The following MEAK7 variants were observed in gnomAD, a reference collection of about 807,000 sequenced individuals.
The protein encoded by MEAK7 is MTOR associated protein MEAK7, also known as MTOR-associated protein MEAK7.
MEAK7 carries 68 observed loss-of-function variants against 40.5 expected under a neutral mutation model. The observed-to-expected ratio is 1.68, with a 90% confidence interval of 1.38 to 2.06. The LOEUF (loss-of-function observed/expected upper bound fraction) is 2.06. Among genes scored for constraint, MEAK7 ranks in the 30% most tolerant of loss-of-function variants. The probability of loss-of-function intolerance (pLI) is 0.00; values close to 1 mark genes in which losing one functional copy is unlikely to be tolerated. For missense variants in MEAK7, 918 were observed against 580.5 expected (o/e 1.58, Z -5.98); for synonymous variants, 338 against 231.9 (o/e 1.46, Z -4.16).
At chr16:84,490,456 T>A (rs1431372548) in intron 3 of MEAK7, among the ~76,000 whole-genome samples, 1 of 52,510 alleles carries the variant, frequency 1.9e-5, no homozygotes, top group African/African-American at 4.4e-5. Context: ...TTTTTTTTTT[T>A]TTTTTTTTTT....
At position 84,479,065 on chromosome 16, in the gene MEAK7, T is replaced by C. The variant is rs1309045539; in HGVS notation, c.*848A>G. 1.3e-5 allele frequency: 2 copies of C among 152,222 alleles called. No homozygotes were observed. Among genetic ancestry groups the C allele is most frequent in the Non-Finnish European group, 2.9e-5 (2 of 68,058 alleles). The allele number at this position is 152,222 out of a possible 1,614,324, so 9.4% of individuals were successfully genotyped here. On this transcript the variant is annotated 3_prime_UTR_variant, in exon 8 of 8. Coordinates refer to ENST00000343629, the MANE Select transcript of MEAK7 (RefSeq NM_020947.4). Reference sequence around the variant, plus strand: ...CCATCTGTTCCTCACACACATTCATTTAAAAACAGCTGAGAGAGCTGGGTG... The same window carrying C: ...CCATCTGTTCCTCACACACATTCATCTAAAAACAGCTGAGAGAGCTGGGTG...
rs547908347 is a variant in MEAK7 at position 84,482,321 on chromosome 16, T to C, written c.1077+271A>G. ...AGCCACAAAGGCTACAAACCAATCATCTGAGGGCCAGAAAAATGGGCCAAG... is the reference window on the plus strand; with the variant it reads ...AGCCACAAAGGCTACAAACCAATCACCTGAGGGCCAGAAAAATGGGCCAAG... On this transcript the variant is annotated intron_variant, in intron 6 of 7. Coordinates refer to ENST00000343629, the MANE Select transcript of MEAK7 (RefSeq NM_020947.4). Among the ~76,000 whole-genome samples the C allele has an allele frequency of 4.6e-5, 7 of 152,188 alleles. No homozygotes were observed. In the South Asian group the frequency reaches 1.0e-3, roughly 23 times the overall value.
rs431389 is a variant in MEAK7 at position 84,486,719 on chromosome 16, T to C, written c.870A>G (p.Gly290=). The C allele has an allele frequency of 0.51, 823,060 of 1,613,716 alleles. 218,321 individuals carry two copies. Among genetic ancestry groups the C allele is most frequent in the East Asian group, 0.9 (40,472 of 44,864 alleles). ...GGTCCTCGAGGACAGCCACACAGGG[T>C]CCCCGGTGAGTGATGTGGCCACAGA... The part of the protein sequence containing the change: ...SQLCGHITHR[G]PCVAVLEDHD... Residue 290 remains glycine (G), a synonymous_variant, in exon 5 of 8, where the codon GGA becomes GGG. Coordinates refer to ENST00000343629, the MANE Select transcript of MEAK7 (RefSeq NM_020947.4).
chr16:84,483,501 T>C (rs1214778448), intron 5 of MEAK7, among the ~76,000 whole-genome samples: 3 of 152,070 alleles, frequency 2.0e-5, no homozygotes, highest in African/African-American at 7.2e-5. Flanking sequence ...AACAAGCTCA[T>C]GGGAATTTGG....
rs757511442 is a variant in MEAK7 at position 84,487,067 on chromosome 16, A to T, written c.530-8T>A. The T allele has an allele frequency of 2.5e-6, 4 of 1,605,908 alleles. No homozygotes were observed. The highest frequency in any genetic ancestry group is 3.4e-6 in the Non-Finnish European group (4 of 1,176,084). ...CCAGAAGTCTCTTGCCATCTAGGGG[A>T]AGGGGATGGTCAGCATTAGTGGGGC... On this transcript the variant is annotated splice_region_variant and splice_polypyrimidine_tract_variant and intron_variant, in intron 4 of 7. Transcript: ENST00000343629.
chr16:84,489,418 G>A lies in MEAK7; in HGVS notation c.389C>T (p.Thr130Ile), dbSNP rs1913378089. The A allele has an allele frequency of 1.2e-6, 2 of 1,608,734 alleles. No homozygotes were observed. The highest frequency in any genetic ancestry group is 1.7e-6 in the Non-Finnish European group (2 of 1,177,116). Residue 130 changes from threonine to isoleucine, a missense_variant, in exon 4 of 8, where the codon ACA (threonine) becomes ATA (isoleucine). Physicochemically the swap from Thr to Ile is moderately conservative, Grantham distance 89 (BLOSUM62 -1). Transcript: ENST00000343629. ...PVKAREVQKF[T>I]EDLVGSVVHV... ...CACCACAGAGCCAACCAGATCCTCTGTAAACTGTAAGATCACAATTTTACC... is the reference window on the plus strand; with the variant it reads ...CACCACAGAGCCAACCAGATCCTCTATAAACTGTAAGATCACAATTTTACC...
At position 84,478,659 on chromosome 16, in the gene MEAK7, C is replaced by A. The variant is rs563743425; in HGVS notation, c.*1254G>T. On this transcript the variant is annotated 3_prime_UTR_variant, in exon 8 of 8. Coordinates refer to ENST00000343629, the MANE Select transcript of MEAK7 (RefSeq NM_020947.4). ...CAGACGTGGGCAGATGGCAGCTCTG[C>A]TGACCCCACAACCCACCTACACGAT... 6.6e-6 allele frequency: 1 copy of A among 152,232 alleles called. No individual in the cohort carries two copies. The highest frequency in any genetic ancestry group is 2.4e-5 in the African/African-American group (1 of 41,446). The allele number at this position is 152,232 out of a possible 1,614,324, so 9.4% of individuals were successfully genotyped here.
At chr16:84,494,579 G>T (rs557929909) in intron 3 of MEAK7, 1 of 228,528 alleles carries the variant, frequency 4.4e-6, no homozygotes, top group Non-Finnish European at 8.9e-6. Context: ...GTACCTGCCT[G>T]CTGATATATG....
At chr16:84,504,374 T>C (rs945574092) in intron 1 of MEAK7, among the ~76,000 whole-genome samples, 3 of 152,180 alleles carry the variant, frequency 2.0e-5, no homozygotes, top group East Asian at 1.9e-4. Flanking sequence ...AGGATGATTC[T>C]GATCCCCCCC....
intron 3 of MEAK7, among the ~76,000 whole-genome samples, chr16:84,493,346 G>C (rs1440525373): frequency 6.6e-6 from 1 of 152,126 alleles, no homozygotes; most frequent in East Asian, 1.9e-4. Flanking sequence ...TTAAATATCG[G>C]TTCCGATAAC....
intron 6 of MEAK7, among the ~76,000 whole-genome samples, chr16:84,482,102 C>G (rs1447408867): frequency 6.6e-6 from 1 of 152,126 alleles, no homozygotes; most frequent in Admixed American, 6.5e-5. Flanking sequence ...CCTAGGCCTC[C>G]CCCGCTTCCC....
chr16:84,486,458 G>A, intron 5 of MEAK7, 173 bp downstream of exon 5: 1 of 1,414,696 alleles, frequency 7.1e-7, no homozygotes, highest in Non-Finnish European at 9.2e-7. Flanking sequence ...GAAGAACTCT[G>A]ATGTGATAAA....
chr16:84,482,385 G>T (rs780585493), intron 6 of MEAK7, among the ~76,000 whole-genome samples: 6 of 152,208 alleles, frequency 3.9e-5, no homozygotes, highest in Admixed American at 3.9e-4. Context: ...AGCCCCAGCA[G>T]AGGCCACATC....
At chr16:84,489,650 A>T (rs1346672874) in intron 3 of MEAK7, among the ~76,000 whole-genome samples, 1 of 152,140 alleles carries the variant, frequency 6.6e-6, no homozygotes, top group Non-Finnish European at 1.5e-5. Context: ...TCCCAACAGT[A>T]TTGGGGTTTA....
chr16:84,486,319 C>T (rs915499555), intron 5 of MEAK7: 9 of 530,676 alleles, frequency 1.7e-5, no homozygotes, highest in African/African-American at 5.9e-5. Flanking sequence ...CGATCTGAAC[C>T]AATTACCATC....
Position 84,482,726 on chromosome 16 carries a change from G to A in MEAK7, c.959-16C>T. 2 of 1,613,788 alleles carry A rather than the reference G, an allele frequency of 1.2e-6. No individual in the cohort carries two copies. The highest frequency in any genetic ancestry group is 1.7e-6 in the Non-Finnish European group (2 of 1,179,866). ...CTGTTGTCCCCTGAAAGTAGCCAGA[G>A]AACAAAACAAACAGGGTCGGTGTCT... On this transcript the variant is annotated splice_polypyrimidine_tract_variant and intron_variant, in intron 5 of 7. Transcript: ENST00000343629.
chr16:84,496,508 C>T (rs1251154631), intron 2 of MEAK7, among the ~76,000 whole-genome samples: 1 of 152,176 alleles, frequency 6.6e-6, no homozygotes, highest in Non-Finnish European at 1.5e-5. Context: ...AAAGCCACTC[C>T]ACGTGTGTCC....
chr16:84,490,925 T>G (rs767358984), intron 3 of MEAK7, among the ~76,000 whole-genome samples: 2 of 152,290 alleles, frequency 1.3e-5, no homozygotes, highest in South Asian at 4.2e-4. Context: ...AGAAATTTGT[T>G]TCTTTACAGA....
chr16:84,480,745 A>T (rs764854147), intron 6 of MEAK7, 37 bp from the exon 7 acceptor site: 1 of 1,576,456 alleles, frequency 6.3e-7, no homozygotes. Context: ...AGCATCAGCA[A>T]CTCCTCAGGG....
Sources: allele counts gnomAD v4.1 joint callset (sites outside exome capture counted in the v4.1 genomes callset), GRCh38; gene constraint gnomAD v4.1.1; transcripts MANE v1.5; gene names NCBI Gene and HGNC (gene_info 2026-07-23, HGNC 2026-07-21).